Variants in SPAG16 observed in about 807,000 individuals in gnomAD.
SPAG16 encodes the protein sperm associated antigen 16, also known as sperm-associated antigen 16 protein.
SPAG16 carries 86 observed loss-of-function variants against 80.4 expected under a neutral mutation model. The observed-to-expected ratio is 1.07, with a 90% CI of 0.90 to 1.28. The LOEUF (loss-of-function observed/expected upper bound fraction) is 1.28, where lower values mean the gene tolerates loss of function less well. SPAG16 is among the 50% of genes most tolerant of loss of function. The pLI, the probability that SPAG16 is intolerant of heterozygous loss-of-function variation, is 0.00. For missense variants in SPAG16, 870 were observed against 765.3 expected, an observed-to-expected ratio of 1.14 and a Z score of -1.61; for synonymous variants, 294 against 265.9, an observed-to-expected ratio of 1.11 and a Z score of -1.03.
At chr2:213,560,516 A>G (rs1477431821) in intron 10 of SPAG16, among the ~76,000 whole-genome samples, 2 of 152,200 alleles carry the variant, frequency 1.3e-5, no homozygotes, top group Non-Finnish European at 2.9e-5. Flanking sequence ...ATAAAAGTTC[A>G]AAATGCATTG....
intron 12 of SPAG16, among the ~76,000 whole-genome samples, chr2:214,005,174 C>T (rs1316995396): frequency 2.0e-5 from 3 of 152,126 alleles, no homozygotes; most frequent in East Asian, 1.9e-4. Flanking sequence ...CACTTTTTCT[C>T]ACTGTTAGTT....
At chr2:213,822,379 A>G (rs2072998460) in intron 10 of SPAG16, among the ~76,000 whole-genome samples, 1 of 152,082 alleles carries the variant, frequency 6.6e-6, no homozygotes, top group Non-Finnish European at 1.5e-5. Context: ...TGAGTGGATT[A>G]TTAGATTTTT....
intron 12 of SPAG16, among the ~76,000 whole-genome samples, chr2:213,945,978 T>C (rs2079438470): frequency 6.6e-6 from 1 of 152,216 alleles, no homozygotes; most frequent in African/African-American, 2.4e-5. Flanking sequence ...AAATGTAGCA[T>C]TGTTATATTT....
At chr2:213,541,539 G>A (rs568972351) in intron 10 of SPAG16, among the ~76,000 whole-genome samples, 73 of 152,254 alleles carry the variant, frequency 4.8e-4, no homozygotes, top group African/African-American at 1.6e-3. Flanking sequence ...AGGATAGCTC[G>A]AACCCAAGAG....
At chr2:213,817,080 G>A (rs2072588332) in intron 10 of SPAG16, among the ~76,000 whole-genome samples, 1 of 151,374 alleles carries the variant, frequency 6.6e-6, no homozygotes, top group Non-Finnish European at 1.5e-5. Flanking sequence ...AATTATTTTT[G>A]TTTATTTAAT....
chr2:213,430,127 C>T (rs973301566), intron 9 of SPAG16, among the ~76,000 whole-genome samples: 1 of 151,912 alleles, frequency 6.6e-6, no homozygotes. Context: ...AGAAATTTAC[C>T]AAGGAGACAG....
At chr2:214,063,575 T>G (rs1476381739) in intron 13 of SPAG16, among the ~76,000 whole-genome samples, 2 of 152,144 alleles carry the variant, frequency 1.3e-5, no homozygotes, top group Non-Finnish European at 2.9e-5. Flanking sequence ...CCCTTATGAC[T>G]TAATCACTTC....
intron 10 of SPAG16, among the ~76,000 whole-genome samples, chr2:213,853,390 G>A (rs892465249): frequency 1.3e-5 from 2 of 152,142 alleles, no homozygotes; most frequent in Non-Finnish European, 2.9e-5. Context: ...AATTAGAAAG[G>A]AGAGCTTTTG....
chr2:214,091,147 C>A (rs2052169204), intron 13 of SPAG16, among the ~76,000 whole-genome samples: 1 of 152,082 alleles, frequency 6.6e-6, no homozygotes, highest in Non-Finnish European at 1.5e-5. Flanking sequence ...TGCTAATTAA[C>A]AACATGTGTA....
intron 15 of SPAG16, among the ~76,000 whole-genome samples, chr2:214,363,361 G>A (rs761258664): frequency 1.3e-5 from 2 of 151,684 alleles, no homozygotes; most frequent in Admixed American, 6.6e-5. Flanking sequence ...CCTGTTGACC[G>A]CTCCTTATTT....
intron 11 of SPAG16, among the ~76,000 whole-genome samples, chr2:213,890,796 G>A (rs13433020): frequency 0.59 from 90,237 of 151,686 alleles, 28,710 homozygotes; most frequent in South Asian, 0.85. Context: ...AAATAGCAGG[G>A]TGTTGCTTTG....
intron 15 of SPAG16, among the ~76,000 whole-genome samples, chr2:214,266,793 C>A (rs1246223398): frequency 6.6e-6 from 1 of 150,416 alleles, no homozygotes; most frequent in African/African-American, 2.5e-5. Flanking sequence ...TATACACTAA[C>A]AACAGACTGC....
intron 15 of SPAG16, among the ~76,000 whole-genome samples, chr2:214,193,870 C>G (rs1421105163): frequency 6.6e-6 from 1 of 152,078 alleles, no homozygotes; most frequent in Non-Finnish European, 1.5e-5. Context: ...CACTAAGTAT[C>G]ATCTCTGTGT....
At chr2:214,008,744 C>CAA (rs555712697) in intron 12 of SPAG16, among the ~76,000 whole-genome samples, 203 of 117,086 alleles carry the variant, frequency 1.7e-3, no homozygotes, top group African/African-American at 5.4e-3. Context: ...GACTCCATCT[C>CAA]AAAAAAAAAA....
chr2:213,445,270 A>G (rs980793437), intron 9 of SPAG16, among the ~76,000 whole-genome samples: 2 of 152,252 alleles, frequency 1.3e-5, no homozygotes, highest in African/African-American at 4.8e-5. Context: ...CAAGAGATTA[A>G]TAACCAGAGT....
At chr2:213,615,427 C>CT in intron 10 of SPAG16, among the ~76,000 whole-genome samples, 1 of 152,200 alleles carries the variant, frequency 6.6e-6, no homozygotes, top group East Asian at 1.9e-4. Flanking sequence ...CCTGTCTCTA[C>CT]TAAAAATGCA....
chr2:214,316,794 C>T (rs1409792159), intron 15 of SPAG16, among the ~76,000 whole-genome samples: 2 of 152,150 alleles, frequency 1.3e-5, no homozygotes, highest in Non-Finnish European at 2.9e-5. Context: ...CCCTGACCCA[C>T]TAACTTAACA....
At chr2:213,890,550 T>C (rs1191120886) in intron 11 of SPAG16, among the ~76,000 whole-genome samples, 2 of 151,492 alleles carry the variant, frequency 1.3e-5, no homozygotes, top group Non-Finnish European at 3.0e-5. Flanking sequence ...TTATGAAAAA[T>C]TCAGCATTTT....
At chr2:213,670,508 A>AT (rs146079653) in intron 10 of SPAG16, among the ~76,000 whole-genome samples, 9,467 of 150,100 alleles carry the variant, frequency 0.063, 647 homozygotes, top group African/African-American at 0.17. Flanking sequence ...CTTATTTGTG[A>AT]TTTTTTTTTT....
Sources: allele counts gnomAD v4.1 joint callset (sites outside exome capture counted in the v4.1 genomes callset), GRCh38; gene constraint gnomAD v4.1.1; transcripts MANE v1.5; gene names NCBI Gene and HGNC (gene_info 2026-07-23, HGNC 2026-07-21).